Variants in AOPEP observed in about 807,000 individuals in gnomAD.
AOPEP encodes the protein aminopeptidase O.
Under a neutral mutation model 98.1 loss-of-function variants are expected in AOPEP, and 77 were observed. That is an observed-to-expected ratio of 0.78 (90% CI 0.65 to 0.95). The LOEUF (loss-of-function observed/expected upper bound fraction) is 0.95, where lower values mean the gene tolerates loss of function less well. Ranked by LOEUF, AOPEP falls within the 40% of genes least tolerant of loss-of-function variation. The pLI is 0.00. For missense variants in AOPEP, 1,024 were observed against 1,024.7 expected (o/e 1.00, Z 0.01); for synonymous variants, 346 against 365.3 (o/e 0.95, Z 0.60).
intron 5 of AOPEP, among the ~76,000 whole-genome samples, chr9:94,918,867 AT>A (rs1228085087): frequency 6.6e-6 from 1 of 151,524 alleles, no homozygotes; most frequent in Non-Finnish European, 1.5e-5. Flanking sequence ...GTCAAAATTC[AT>A]TTAGGCAAAT....
At chr9:94,746,960 C>T (rs1221058397) in intron 1 of AOPEP, among the ~76,000 whole-genome samples, 1 of 151,664 alleles carries the variant, frequency 6.6e-6, no homozygotes, top group Non-Finnish European at 1.5e-5. Context: ...AGGTCTTTGA[C>T]TGAGACTGAC....
chr9:94,740,002 C>G (rs1408751758), intron 1 of AOPEP, among the ~76,000 whole-genome samples: 2 of 152,104 alleles, frequency 1.3e-5, no homozygotes, highest in East Asian at 1.9e-4. Context: ...AAACAAGCTG[C>G]TTTTGAAAGA....
intron 5 of AOPEP, among the ~76,000 whole-genome samples, chr9:94,807,646 T>C (rs1162145813): frequency 6.6e-6 from 1 of 152,136 alleles, no homozygotes; most frequent in Non-Finnish European, 1.5e-5. Context: ...ACATACACAC[T>C]CCCTGGGTGA....
At chr9:94,729,320 AGCACCTTGGGAGCCCAAG>A (rs1490220006) in intron 1 of AOPEP, among the ~76,000 whole-genome samples, 2 of 152,176 alleles carry the variant, frequency 1.3e-5, no homozygotes, top group Non-Finnish European at 2.9e-5. Context: ...CACTCATCCC[AGCACCTTGGGAGCCCAAG>A]GCAGGAGGAT....
At chr9:95,139,597 C>T in the AOPEP span, among the ~76,000 whole-genome samples, 32 of 151,870 alleles carry the variant, frequency 2.1e-4, no homozygotes, top group South Asian at 5.4e-3. Flanking sequence ...CTGTGTCCTG[C>T]GAGGGGTATT....
chr9:95,030,259 G>A (rs2064182601), intron 13 of AOPEP, among the ~76,000 whole-genome samples: 1 of 152,172 alleles, frequency 6.6e-6, no homozygotes, highest in Non-Finnish European at 1.5e-5. Flanking sequence ...AATTATTGAA[G>A]AAGAATGGGA....
chr9:95,040,666 A>G (rs2065209693), intron 13 of AOPEP, among the ~76,000 whole-genome samples: 1 of 152,148 alleles, frequency 6.6e-6, no homozygotes. Flanking sequence ...CCTATTGCTG[A>G]TGGGCATAGG....
chr9:94,949,016 C>G (rs1264649535), intron 7 of AOPEP, among the ~76,000 whole-genome samples: 2 of 152,246 alleles, frequency 1.3e-5, no homozygotes, highest in East Asian at 3.9e-4. Flanking sequence ...TCTCTGAAAA[C>G]CACCCTTAGC....
chr9:95,080,555 T>C, intron 14 of AOPEP, 139 bp from the exon 15 acceptor site: 1 of 632,656 alleles, frequency 1.6e-6, no homozygotes, highest in Non-Finnish European at 2.8e-6. Flanking sequence ...TAAAAGAAAA[T>C]GTAAAACTAA....
At chr9:94,931,655 C>A in intron 7 of AOPEP, 1 of 1,028,976 alleles carries the variant, frequency 9.7e-7, no homozygotes, top group Non-Finnish European at 1.5e-6. Context: ...TTCAAGATGC[C>A]CCATGGTCTT....
At chr9:95,022,845 A>T (rs2063564678) in intron 13 of AOPEP, among the ~76,000 whole-genome samples, 1 of 152,170 alleles carries the variant, frequency 6.6e-6, no homozygotes, top group South Asian at 2.1e-4. Context: ...CTTGCCCAGA[A>T]CATGTGTGGT....
intron 7 of AOPEP, chr9:94,933,618 GA>G (rs2055750400): frequency 3.0e-6 from 3 of 985,264 alleles, no homozygotes; most frequent in African/African-American, 3.5e-5. Flanking sequence ...ATAATAGGGG[GA>G]AAACCCCAAG....
chr9:95,000,360 T>G (rs1020027103), intron 11 of AOPEP, among the ~76,000 whole-genome samples: 1 of 152,236 alleles, frequency 6.6e-6, no homozygotes, highest in Non-Finnish European at 1.5e-5. Context: ...TTTGGATTAA[T>G]TTATAATTTT....
intron 5 of AOPEP, among the ~76,000 whole-genome samples, chr9:94,884,027 T>C (rs1180972075): frequency 6.6e-6 from 1 of 152,150 alleles, no homozygotes; most frequent in African/African-American, 2.4e-5. Flanking sequence ...GCTTCTACCT[T>C]GACATTTCAC....
At chr9:94,847,584 G>A (rs1248108153) in intron 5 of AOPEP, among the ~76,000 whole-genome samples, 1 of 152,222 alleles carries the variant, frequency 6.6e-6, no homozygotes, top group African/African-American at 2.4e-5. Flanking sequence ...AATTCAAGTA[G>A]TCATGAAGCA....
intron 5 of AOPEP, among the ~76,000 whole-genome samples, chr9:94,830,229 T>TCC (rs1431104183): frequency 6.6e-6 from 1 of 152,216 alleles, no homozygotes; most frequent in Non-Finnish European, 1.5e-5. Flanking sequence ...GTGTGTGGTT[T>TCC]CCCCACCATG....
At chr9:95,128,604 G>C in the AOPEP span, among the ~76,000 whole-genome samples, 3 of 152,190 alleles carry the variant, frequency 2.0e-5, no homozygotes, top group Admixed American at 1.3e-4. Flanking sequence ...AAGGAAGACA[G>C]CTCTTACTCA....
At position 95,042,072 on chromosome 9, in the gene AOPEP, G is replaced by A. The variant is rs533520436; in HGVS notation, c.2116-18622G>A. Among the ~76,000 whole-genome samples, 215 of 152,250 alleles carry A rather than the reference G, an allele frequency of 1.4e-3. 1 individual carries two copies. The highest frequency in any genetic ancestry group is 3.6e-3 in the Admixed American group (55 of 15,292). ...TCATGCCTGTAATCCCAGCACTTTG[G>A]GAGGCCGAGGCGGGCGGATCACGAG... On this transcript the variant is annotated intron_variant, in intron 13 of 16. Coordinates refer to ENST00000375315, the MANE Select transcript of AOPEP (RefSeq NM_001193329.3).
At chr9:95,033,675 T>C (rs1205635527) in intron 13 of AOPEP, among the ~76,000 whole-genome samples, 1 of 152,220 alleles carries the variant, frequency 6.6e-6, no homozygotes, top group African/African-American at 2.4e-5. Context: ...ATGTCTTTCA[T>C]CAAAAAGGCC....
Sources: gnomAD v4.1 joint callset for allele counts (sites outside exome capture counted in the v4.1 genomes callset) on GRCh38, gnomAD v4.1.1 for gene constraint, MANE v1.5 for transcripts, NCBI Gene and HGNC (gene_info 2026-07-23, HGNC 2026-07-21) for gene names.